Variants in TBC1D12 observed in about 807,000 individuals in gnomAD.
TBC1D12 encodes TBC1 domain family member 12, also known as TBC1 domain family, member 12.
A neutral mutation model predicts 86.7 loss-of-function variants in TBC1D12; 56 were observed. That is an observed-to-expected ratio of 0.65 (90% CI 0.52 to 0.81). The LOEUF (loss-of-function observed/expected upper bound fraction) is 0.81, where lower values mean the gene tolerates loss of function less well. TBC1D12 is among the 30% of genes least tolerant of loss of function. The probability of loss-of-function intolerance (pLI) is 0.00; values close to 1 mark genes in which losing one functional copy is unlikely to be tolerated. For synonymous variants in TBC1D12, 421 were observed against 411.7 expected (o/e 1.02, Z -0.27); for missense variants, 1,023 against 1,038.8 (o/e 0.98, Z 0.21).
intron 2 of TBC1D12, among the ~76,000 whole-genome samples, chr10:94,472,090 A>T (rs543460630): frequency 4.1e-4 from 63 of 152,224 alleles, no homozygotes; most frequent in Non-Finnish European, 6.2e-4. Context: ...TCACTGAATG[A>T]TTTTATGAAT....
chr10:94,467,505 T>C (rs1049052889), intron 2 of TBC1D12, among the ~76,000 whole-genome samples: 1 of 152,244 alleles, frequency 6.6e-6, no homozygotes, highest in Non-Finnish European at 1.5e-5. Context: ...GTGCTGGGAT[T>C]ACAGGCATGA....
chr10:94,524,616 G>GT (rs1471584524), intron 11 of TBC1D12, among the ~76,000 whole-genome samples: 1 of 151,736 alleles, frequency 6.6e-6, no homozygotes, highest in East Asian at 2.0e-4. Context: ...GTGCATGCCT[G>GT]TAGTCCCAGC....
At chr10:94,484,514 AC>A (rs1409168439) in intron 3 of TBC1D12, among the ~76,000 whole-genome samples, 45 of 152,108 alleles carry the variant, frequency 3.0e-4, no homozygotes, top group Admixed American at 2.9e-3. Context: ...TGCTGGGATT[AC>A]AGGCGTGAGC....
intron 11 of TBC1D12, among the ~76,000 whole-genome samples, chr10:94,530,043 G>A (rs1842384640): frequency 6.6e-6 from 1 of 152,118 alleles, no homozygotes; most frequent in African/African-American, 2.4e-5. Flanking sequence ...CATTTTTGTG[G>A]GATAGGAATG....
chr10:94,444,923 G>A (rs2055436929), intron 2 of TBC1D12, among the ~76,000 whole-genome samples: 1 of 150,178 alleles, frequency 6.7e-6, no homozygotes, highest in Non-Finnish European at 1.5e-5. Flanking sequence ...TAGTAGAGAC[G>A]GGGTTTCACC....
At chr10:94,431,322 C>A (rs187260617) in intron 1 of TBC1D12, among the ~76,000 whole-genome samples, 1 of 150,342 alleles carries the variant, frequency 6.7e-6, no homozygotes, top group Non-Finnish European at 1.5e-5. Flanking sequence ...GACTAAGGCA[C>A]GAGAATCGCT....
chr10:94,404,593 C>T (rs556235955), intron 1 of TBC1D12, among the ~76,000 whole-genome samples: 1 of 151,366 alleles, frequency 6.6e-6, no homozygotes, highest in South Asian at 2.1e-4. Context: ...TTGCAGTGAA[C>T]CTAGATCGTG....
intron 1 of TBC1D12, among the ~76,000 whole-genome samples, chr10:94,440,803 T>G (rs1016705577): frequency 6.6e-6 from 1 of 152,234 alleles, no homozygotes; most frequent in Admixed American, 6.5e-5. Flanking sequence ...GTATCATCCC[T>G]GCTTACATAA....
intron 1 of TBC1D12, among the ~76,000 whole-genome samples, chr10:94,410,073 C>T (rs1240220972): frequency 6.6e-6 from 1 of 152,080 alleles, no homozygotes; most frequent in Non-Finnish European, 1.5e-5. Flanking sequence ...GTTTTTAGAT[C>T]TTTTAAGTGG....
At chr10:94,479,571 A>T (rs1248381058) in intron 3 of TBC1D12, among the ~76,000 whole-genome samples, 1 of 152,074 alleles carries the variant, frequency 6.6e-6, no homozygotes, top group Admixed American at 6.6e-5. Flanking sequence ...AGGATTTTGG[A>T]GTTAATAGTT....
At position 94,425,304 on chromosome 10, in the gene TBC1D12, AG is replaced by A. The variant is rs1446995320; in HGVS notation, c.972-16591del. On this transcript the variant is annotated intron_variant, in intron 1 of 12. Coordinates refer to ENST00000225235, the MANE Select transcript of TBC1D12 (RefSeq NM_015188.2). ...GGAAGTGTTCTATACCTGAATTGGG[AG>A]TGTTCTATACTTCAATTGTGATAGT... 2.0e-5 allele frequency among the ~76,000 whole-genome samples: 3 copies of A among 152,298 alleles called. No individual in the cohort carries two copies. The East Asian group carries it at 5.8e-4, about 29-fold the overall frequency.
At chr10:94,453,317 G>C (rs1384979508) in intron 2 of TBC1D12, among the ~76,000 whole-genome samples, 1 of 151,724 alleles carries the variant, frequency 6.6e-6, no homozygotes, top group Non-Finnish European at 1.5e-5. Flanking sequence ...CACAGTTTTG[G>C]TTATCCATGG....
At chr10:94,450,912 A>G (rs987150521) in intron 2 of TBC1D12, among the ~76,000 whole-genome samples, 1 of 152,140 alleles carries the variant, frequency 6.6e-6, no homozygotes, top group African/African-American at 2.4e-5. Flanking sequence ...TAAGCCAGAA[A>G]TGGAAAGTTA....
chr10:94,471,849 A>G (rs1333701991), intron 2 of TBC1D12, among the ~76,000 whole-genome samples: 1 of 152,220 alleles, frequency 6.6e-6, no homozygotes, highest in Non-Finnish European at 1.5e-5. Context: ...TTAAATATGT[A>G]TTAGCTTATT....
chr10:94,445,729 C>A (rs1438859991), intron 2 of TBC1D12, among the ~76,000 whole-genome samples: 1 of 152,064 alleles, frequency 6.6e-6, no homozygotes, highest in Non-Finnish European at 1.5e-5. Flanking sequence ...TGGTGTGTCA[C>A]CTGAGGTCAG....
intron 1 of TBC1D12, among the ~76,000 whole-genome samples, chr10:94,424,988 A>G (rs933827775): frequency 3.3e-5 from 5 of 152,214 alleles, no homozygotes; most frequent in Admixed American, 3.3e-4. Flanking sequence ...GGAAATGGGA[A>G]AAGGTGTAGA....
intron 11 of TBC1D12, among the ~76,000 whole-genome samples, chr10:94,529,327 T>A (rs963224892): frequency 6.6e-6 from 1 of 152,186 alleles, no homozygotes; most frequent in Non-Finnish European, 1.5e-5. Context: ...TTTTTAAAAA[T>A]TAAGTTATTG....
In TBC1D12 at chr10:94,403,402, C is replaced by A; in HGVS notation, c.789C>A (p.Arg263=). Residue 263 remains arginine (R), a synonymous_variant, in exon 1 of 13, where the codon CGC becomes CGA. Transcript: ENST00000225235. ...GGACTAATGGGGGTGCGGAGCCGCG[C>A]CTGGGCTTTTCTGACATTCACTTCA... is the stretch of plus-strand genomic sequence containing the variant. The part of the protein sequence containing the change: ...AERTNGGAEP[R]LGFSDIHFNS... 1 of 1,547,718 alleles carries A rather than the reference C, an allele frequency of 6.5e-7. No homozygotes were observed. The highest frequency in any genetic ancestry group is 2.5e-5 in the East Asian group (1 of 40,072).
intron 1 of TBC1D12, 134 bp from the exon 2 acceptor site, chr10:94,441,762 G>A (rs972630310): frequency 1.3e-5 from 10 of 782,572 alleles, no homozygotes; most frequent in Non-Finnish European, 2.0e-5. Context: ...AAGTAATAGT[G>A]GTATAAGTAG....
Sources: gnomAD v4.1 joint callset for allele counts (sites outside exome capture counted in the v4.1 genomes callset) on GRCh38, gnomAD v4.1.1 for gene constraint, MANE v1.5 for transcripts, NCBI Gene and HGNC (gene_info 2026-07-23, HGNC 2026-07-21) for gene names.